CNKSR3: variants seen among roughly 807,000 people sequenced by gnomAD.
CNKSR3 encodes CNKSR family member 3.
Under a neutral mutation model 67.7 loss-of-function variants are expected in CNKSR3, and 36 were observed. The observed-to-expected ratio is 0.53, with a 90% CI of 0.41 to 0.70. The LOEUF is 0.70. CNKSR3 is among the 30% of genes least tolerant of loss of function. The probability of loss-of-function intolerance (pLI) is 0.00; values close to 1 mark genes in which losing one functional copy is unlikely to be tolerated. For synonymous variants in CNKSR3, 281 were observed against 271.4 expected, an observed-to-expected ratio of 1.04 and a Z score of -0.35; for missense variants, 630 against 695.2, an observed-to-expected ratio of 0.91 and a Z score of 1.05.
chr6:154,430,309 C>A (rs921707020), intron 6 of CNKSR3, among the ~76,000 whole-genome samples, 163 bp downstream of exon 6: 18 of 152,232 alleles, frequency 1.2e-4, no homozygotes, highest in African/African-American at 4.3e-4. Context: ...GAAAACATAT[C>A]AACAGGATTC....
At chr6:154,483,173 C>T (rs1431692253) in intron 1 of CNKSR3, among the ~76,000 whole-genome samples, 3 of 152,184 alleles carry the variant, frequency 2.0e-5, no homozygotes, top group Admixed American at 6.5e-5. Flanking sequence ...TCTCCCTAAC[C>T]CTTCCTCCTG....
Position 154,403,920 on chromosome 6 carries a change from G to C in CNKSR3, c.*2434C>G, listed in dbSNP as rs1203882151. On this transcript the variant is annotated 3_prime_UTR_variant, in exon 13 of 13. Coordinates refer to ENST00000607772, the MANE Select transcript of CNKSR3 (RefSeq NM_173515.4). The stretch of plus-strand genomic sequence containing the variant: ...TAACTCATCATCCAGTGGAACTACA[G>C]CTCTTAGAGTTCTCCCCACAATCTG... 1 of 152,218 alleles carries C rather than the reference G, an allele frequency of 6.6e-6. No individual in the cohort carries two copies. The highest frequency in any genetic ancestry group is 2.4e-5 in the African/African-American group (1 of 41,456). 9.4% of individuals were successfully genotyped at this position (152,218 alleles called of 1,614,324 possible).
intron 1 of CNKSR3, 70 bp from the exon 2 acceptor site, chr6:154,450,328 CAT>C: frequency 1.4e-6 from 2 of 1,436,332 alleles, no homozygotes; most frequent in Non-Finnish European, 1.9e-6. Context: ...AAACTGCCCA[CAT>C]GTCACATCAA....
At chr6:154,475,409 T>C (rs1161169076) in intron 1 of CNKSR3, among the ~76,000 whole-genome samples, 1 of 152,068 alleles carries the variant, frequency 6.6e-6, no homozygotes, top group Non-Finnish European at 1.5e-5. Context: ...CCCTCATCCA[T>C]GAAGTTTTCA....
At chr6:154,479,684 C>T (rs535519473) in intron 1 of CNKSR3, among the ~76,000 whole-genome samples, 3 of 152,210 alleles carry the variant, frequency 2.0e-5, no homozygotes, top group East Asian at 3.9e-4. Flanking sequence ...AAATTATGGA[C>T]GTCTCTATTG....
chr6:154,411,084 C>A lies in CNKSR3; in HGVS notation c.1129G>T (p.Gly377Cys). Residue 377 changes from glycine (G) to cysteine (C), a missense_variant, in exon 11 of 13, where the codon GGT becomes TGT. Gly to Cys is a radical substitution (Grantham distance 159). Transcript: ENST00000607772. ...TTCGGGGACTCTGAACCCTTAGGACCAGGCAATGGTTGTTTGCACTTACTG... is the reference window on the plus strand; with the variant it reads ...TTCGGGGACTCTGAACCCTTAGGACAAGGCAATGGTTGTTTGCACTTACTG... ...GSSKCKQPLP[G>C]PKGSESPNSF... 6.2e-7 allele frequency: 1 copy of A among 1,614,066 alleles called. No homozygotes were observed. The highest frequency in any genetic ancestry group is 1.3e-5 in the African/African-American group (1 of 75,016).
chr6:154,505,472 C>T (rs1241732620), intron 1 of CNKSR3, among the ~76,000 whole-genome samples: 1 of 150,172 alleles, frequency 6.7e-6, no homozygotes, highest in Non-Finnish European at 1.5e-5. Context: ...GCTGACTCAA[C>T]TACACAATTT....
intron 9 of CNKSR3, among the ~76,000 whole-genome samples, chr6:154,419,638 A>G (rs534083753): frequency 1.0e-3 from 152 of 152,342 alleles, no homozygotes; most frequent in Middle Eastern, 3.4e-3. Context: ...ATACACGTTT[A>G]AAGGAAATGA....
intron 9 of CNKSR3, among the ~76,000 whole-genome samples, chr6:154,418,566 A>G (rs1785070227): frequency 6.6e-6 from 1 of 152,162 alleles, no homozygotes; most frequent in South Asian, 2.1e-4. Context: ...CATTTATCTT[A>G]TGCAACAATT....
At chr6:154,504,310 G>A (rs188102305) in intron 1 of CNKSR3, among the ~76,000 whole-genome samples, 2 of 152,374 alleles carry the variant, frequency 1.3e-5, no homozygotes, top group East Asian at 3.9e-4. Context: ...AAACGGCAGA[G>A]AAATCTCTTT....
intron 1 of CNKSR3, among the ~76,000 whole-genome samples, chr6:154,475,098 A>G (rs983764172): frequency 3.9e-5 from 6 of 152,192 alleles, no homozygotes; most frequent in Non-Finnish European, 5.9e-5. Context: ...TACACGAGGA[A>G]GCTGATGGAG....
intron 1 of CNKSR3, among the ~76,000 whole-genome samples, chr6:154,497,246 C>A (rs904927170): frequency 6.6e-6 from 1 of 151,816 alleles, no homozygotes; most frequent in African/African-American, 2.4e-5. Context: ...AAAAAATTAG[C>A]CAGGTGTGGT....
intron 9 of CNKSR3, among the ~76,000 whole-genome samples, chr6:154,415,227 C>CCTTTTTTTTTTTTTTTTTTT (rs773533317): frequency 1.8e-5 from 2 of 112,762 alleles, no homozygotes; most frequent in African/African-American, 7.5e-5. Flanking sequence ...ACTAGCTGCC[C>CCTTTTTTTTTTTTTTTTTTT]ATTTTTTTTT....
intron 9 of CNKSR3, among the ~76,000 whole-genome samples, chr6:154,416,255 G>C (rs1386796200): frequency 6.6e-6 from 1 of 152,212 alleles, no homozygotes; most frequent in African/African-American, 2.4e-5. Context: ...GACGGAGCTA[G>C]ACATGGCCAC....
At position 154,414,316 on chromosome 6, in the gene CNKSR3, A is replaced by G; in HGVS notation, c.1053T>C (p.Ala351=). Residue 351 remains alanine, a synonymous_variant, in exon 10 of 13, where the codon GCT becomes GCC. Transcript: ENST00000607772. Reference sequence around the variant, plus strand: ...CAACATACCGGGGAGAGTAGGGAACAGCAGGCGGAGGAGGAATATAAAGAT... The same window carrying G: ...CAACATACCGGGGAGAGTAGGGAACGGCAGGCGGAGGAGGAATATAAAGAT... The part of the protein sequence containing the change: ...ILDLYIPPPP[A]VPYSPRDENG... 6.2e-7 allele frequency: 1 copy of G among 1,605,970 alleles called. No individual in the cohort carries two copies. Among genetic ancestry groups the G allele is most frequent in the Non-Finnish European group, 8.5e-7 (1 of 1,176,740 alleles).
intron 1 of CNKSR3, among the ~76,000 whole-genome samples, chr6:154,451,530 CACGCACACGCACAGAT>C (rs1785831932): frequency 1.3e-5 from 1 of 74,436 alleles, no homozygotes; most frequent in African/African-American, 5.9e-5. Flanking sequence ...CTCGTGCACA[CACGCACACGCACAGAT>C]GCACACACAC....
chr6:154,438,268 CCTCT>C (rs1180698957), intron 4 of CNKSR3, among the ~76,000 whole-genome samples: 1 of 151,622 alleles, frequency 6.6e-6, no homozygotes, highest in Non-Finnish European at 1.5e-5. Flanking sequence ...ACATTCCCTC[CCTCT>C]CTCTCCCCCT....
chr6:154,507,042 C>T lies in CNKSR3; in HGVS notation c.52+3021G>A, dbSNP rs542294991. Among the ~76,000 whole-genome samples, 3 of 152,148 alleles carry T rather than the reference C, an allele frequency of 2.0e-5. 1 individual carries two copies. Among genetic ancestry groups the T allele is most frequent in the Admixed American group, 1.3e-4 (2 of 15,276 alleles). On this transcript the variant is annotated intron_variant, in intron 1 of 12. Transcript: ENST00000607772. ...GACATCGGTCAATCTGTGTGTGACT[C>T]GGTTTCCTCAACTGCAAAATGGAAA... is the stretch of plus-strand genomic sequence containing the variant.
At chr6:154,418,204 C>T (rs879525276) in intron 9 of CNKSR3, among the ~76,000 whole-genome samples, 1 of 152,196 alleles carries the variant, frequency 6.6e-6, no homozygotes, top group East Asian at 1.9e-4. Context: ...TGTGGCTCCA[C>T]CAGGATGCTT....
Sources: gnomAD v4.1 joint callset for allele counts (sites outside exome capture counted in the v4.1 genomes callset) on GRCh38, gnomAD v4.1.1 for gene constraint, MANE v1.5 for transcripts, NCBI Gene and HGNC (gene_info 2026-07-23, HGNC 2026-07-21) for gene names.